The following ASTN2 variants were observed in gnomAD, a reference collection of about 807,000 sequenced individuals.
ASTN2 encodes astrotactin-2.
A neutral mutation model predicts 139.8 loss-of-function variants in ASTN2; 54 were observed. That is an observed-to-expected ratio of 0.39 (90% CI 0.31 to 0.48). ASTN2 has a LOEUF of 0.48. ASTN2 is among the 20% of genes least tolerant of loss of function. The pLI is 0.95. For synonymous variants in ASTN2, 756 were observed against 719.5 expected (o/e 1.05, Z -0.81); for missense variants, 1,565 against 1,725.1 (o/e 0.91, Z 1.64).
intron 2 of ASTN2, among the ~76,000 whole-genome samples, chr9:117,229,955 T>C (rs1588112167): frequency 6.6e-6 from 1 of 151,924 alleles, no homozygotes; most frequent in East Asian, 1.9e-4. Flanking sequence ...CTGCAATTCA[T>C]GAGAATTTCA....
chr9:116,724,599 T>C (rs1407171651), intron 16 of ASTN2, among the ~76,000 whole-genome samples: 2 of 152,224 alleles, frequency 1.3e-5, no homozygotes, highest in Non-Finnish European at 2.9e-5. Context: ...TCTTCTCCCC[T>C]ATAGACTTAG....
intron 20 of ASTN2, among the ~76,000 whole-genome samples, chr9:116,484,684 A>G (rs1212409737): frequency 6.6e-6 from 1 of 152,194 alleles, no homozygotes; most frequent in African/African-American, 2.4e-5. Context: ...TTTCAAAAAT[A>G]CATAAATAAA....
At chr9:117,354,088 A>T (rs1829467247) in intron 1 of ASTN2, among the ~76,000 whole-genome samples, 1 of 152,174 alleles carries the variant, frequency 6.6e-6, no homozygotes, top group African/African-American at 2.4e-5. Flanking sequence ...TAACAAAAGT[A>T]CTACTCTGGT....
At chr9:116,547,839 G>A (rs112485504) in intron 19 of ASTN2, among the ~76,000 whole-genome samples, 99 of 152,192 alleles carry the variant, frequency 6.5e-4, no homozygotes, top group African/African-American at 2.3e-3. Context: ...TACCTGAGCT[G>A]CCCCCCAAGC....
intron 13 of ASTN2, among the ~76,000 whole-genome samples, chr9:116,755,926 C>T (rs1056019508): frequency 6.6e-6 from 1 of 152,232 alleles, no homozygotes; most frequent in African/African-American, 2.4e-5. Flanking sequence ...CAAGTAATGG[C>T]TTTTCTCTGG....
chr9:117,133,479 G>C (rs535531558), intron 4 of ASTN2, among the ~76,000 whole-genome samples: 44 of 152,286 alleles, frequency 2.9e-4, no homozygotes, highest in Admixed American at 4.6e-4. Context: ...CTGAGGCCCA[G>C]AGAGTGGAAG....
At chr9:116,682,783 A>C (rs1035006324) in intron 16 of ASTN2, among the ~76,000 whole-genome samples, 19 of 152,122 alleles carry the variant, frequency 1.2e-4, no homozygotes, top group Admixed American at 1.2e-3. Context: ...AGAACAAAAA[A>C]CCAAACACCG....
intron 3 of ASTN2, among the ~76,000 whole-genome samples, chr9:117,172,869 T>C (rs1259318747): frequency 6.6e-6 from 1 of 152,124 alleles, no homozygotes; most frequent in Non-Finnish European, 1.5e-5. Context: ...TTAGGAATCT[T>C]TGCTCATCCC....
chr9:116,790,079 C>T (rs1327027355), intron 13 of ASTN2, among the ~76,000 whole-genome samples: 2 of 151,978 alleles, frequency 1.3e-5, no homozygotes, highest in Non-Finnish European at 2.9e-5. Flanking sequence ...GCACTCACAA[C>T]CACACCCAGC....
At chr9:117,286,287 A>C (rs1291162521) in intron 2 of ASTN2, among the ~76,000 whole-genome samples, 1 of 152,166 alleles carries the variant, frequency 6.6e-6, no homozygotes, top group African/African-American at 2.4e-5. Context: ...AGAAGTTGTG[A>C]TCACATCTGC....
intron 10 of ASTN2, among the ~76,000 whole-genome samples, chr9:116,947,516 G>A (rs984085424): frequency 6.6e-6 from 1 of 152,108 alleles, no homozygotes; most frequent in Non-Finnish European, 1.5e-5. Flanking sequence ...CTAAAAGCAA[G>A]GGGGAATAAA....
chr9:116,782,639 C>T (rs1462373344), intron 13 of ASTN2, among the ~76,000 whole-genome samples: 4 of 152,160 alleles, frequency 2.6e-5, no homozygotes, highest in Admixed American at 6.5e-5. Flanking sequence ...TTGCCACTTT[C>T]TGAACACTGA....
At chr9:116,749,202 C>T (rs1391860308) in intron 13 of ASTN2, among the ~76,000 whole-genome samples, 1 of 152,208 alleles carries the variant, frequency 6.6e-6, no homozygotes, top group African/African-American at 2.4e-5. Context: ...AAATAGCAGG[C>T]TCTCAATAAA....
intron 7 of ASTN2, among the ~76,000 whole-genome samples, chr9:116,980,631 C>T (rs751366280): frequency 1.8e-4 from 28 of 152,130 alleles, no homozygotes; most frequent in Non-Finnish European, 3.5e-4. Flanking sequence ...TTCCAAATCC[C>T]TAACCTCTGC....
intron 17 of ASTN2, among the ~76,000 whole-genome samples, chr9:116,645,620 G>C (rs953011180): frequency 6.6e-6 from 1 of 152,112 alleles, no homozygotes; most frequent in Non-Finnish European, 1.5e-5. Context: ...CCATAAAATG[G>C]GGTTCAGGAT....
intron 3 of ASTN2, among the ~76,000 whole-genome samples, chr9:117,165,397 T>C (rs1393077570): frequency 6.6e-6 from 1 of 152,078 alleles, no homozygotes; most frequent in Non-Finnish European, 1.5e-5. Context: ...GGGGCAAGGC[T>C]TAGATTCTGA....
intron 11 of ASTN2, among the ~76,000 whole-genome samples, chr9:116,827,704 C>T (rs567763976): frequency 7.9e-5 from 12 of 151,970 alleles, no homozygotes; most frequent in Non-Finnish European, 1.5e-4. Context: ...ACTCCTGAAC[C>T]GAACAATAAT....
chr9:116,849,580 GTC>G (rs1239289805), intron 11 of ASTN2, among the ~76,000 whole-genome samples: 1 of 152,142 alleles, frequency 6.6e-6, no homozygotes, highest in Non-Finnish European at 1.5e-5. Flanking sequence ...AAAGCAACTT[GTC>G]TCATTACAGA....
At chr9:116,764,224 A>G (rs1001921742) in intron 13 of ASTN2, among the ~76,000 whole-genome samples, 20 of 152,214 alleles carry the variant, frequency 1.3e-4, no homozygotes, top group Non-Finnish European at 2.9e-5. Flanking sequence ...TGCAGTCTTT[A>G]GCTGTCAGCC....
Sources: gnomAD v4.1 joint callset for allele counts (sites outside exome capture counted in the v4.1 genomes callset) on GRCh38, gnomAD v4.1.1 for gene constraint, MANE v1.5 for transcripts, NCBI Gene and HGNC (gene_info 2026-07-23, HGNC 2026-07-21) for gene names.